DEAF1: variants seen among roughly 807,000 people sequenced by gnomAD.
The protein encoded by DEAF1 is DEAF1 transcription factor, also known as deformed epidermal autoregulatory factor 1 homolog.
Under a neutral mutation model 58.9 loss-of-function variants are expected in DEAF1, and 53 were observed. The ratio of observed to expected loss-of-function variants is 0.90; its 90% confidence interval spans 0.72 to 1.13. The LOEUF is 1.13. DEAF1 is among the 50% of genes most tolerant of loss of function. The pLI is 0.00. For synonymous variants in DEAF1, 385 were observed against 340.4 expected (o/e 1.13, Z -1.44); for missense variants, 685 against 791.4 (o/e 0.87, Z 1.61).
At chr11:677,313 A>G (rs1466191870) in intron 9 of DEAF1, among the ~76,000 whole-genome samples, 1 of 148,878 alleles carries the variant, frequency 6.7e-6, no homozygotes, top group Non-Finnish European at 1.5e-5. Flanking sequence ...ATCCTGGCCA[A>G]CACGGTGAAA....
intron 5 of DEAF1, among the ~76,000 whole-genome samples, chr11:686,410 G>C (rs978201130): frequency 6.6e-6 from 1 of 152,034 alleles, no homozygotes; most frequent in African/African-American, 2.4e-5. Flanking sequence ...AGTCTCTACA[G>C]GAATTGCTTC....
chr11:699,801 C>G (rs918707618), upstream of DEAF1: 1 of 250,578 alleles, frequency 4.0e-6, no homozygotes, highest in African/African-American at 2.2e-5. Flanking sequence ...TAACTCATAA[C>G]TGGGGCCAAA....
chr11:670,931 G>GTTTTTTTTTTTTTTTTT (rs558436376), intron 10 of DEAF1, among the ~76,000 whole-genome samples: 1 of 91,388 alleles, frequency 1.1e-5, no homozygotes. Context: ...CCTGGCTAAT[G>GTTTTTTTTTTTTTTTTT]TTTTTTTTTT....
At chr11:695,503 C>G, upstream of DEAF1, 1 of 918,496 alleles carries the variant, frequency 1.1e-6, no homozygotes. Flanking sequence ...GCAATTCTGC[C>G]TCTCAGAGAG....
rs1182113584 is a variant in DEAF1 at position 652,816 on chromosome 11, C to T, written c.1593+1146G>A. Among the ~76,000 whole-genome samples, 7 of 151,904 alleles carry T rather than the reference C, an allele frequency of 4.6e-5. No individual in the cohort carries two copies. In the East Asian group the frequency reaches 1.4e-3, roughly 29 times the overall value. On this transcript the variant is annotated intron_variant, in intron 11 of 11. Transcript: ENST00000382409. ...TTAGTAAAGCTGCTGGGAACAGTAG[C>T]TCACACCTCTAAATCCCAGCACTTT...
upstream of DEAF1, chr11:700,207 C>T (rs567165348): frequency 9.9e-6 from 16 of 1,614,028 alleles, no homozygotes; most frequent in African/African-American, 2.7e-5. Context: ...TGTATTTCCT[C>T]GCCACGCTCC....
chr11:700,110 G>C (rs761979580), upstream of DEAF1: 3 of 1,594,422 alleles, frequency 1.9e-6, no homozygotes, highest in Non-Finnish European at 2.6e-6. Context: ...TCCCAAGCCT[G>C]TTGAGCTTGA....
At chr11:670,765 C>G (rs28688964) in intron 10 of DEAF1, among the ~76,000 whole-genome samples, 4 of 73,326 alleles carry the variant, frequency 5.5e-5, no homozygotes, top group Non-Finnish European at 8.0e-5. Flanking sequence ...TTTCTTTTTT[C>G]TTTTTGTTTT....
chr11:688,536 C>A lies in DEAF1; in HGVS notation c.388-76G>T. 2 of 1,586,634 alleles carry A rather than the reference C, an allele frequency of 1.3e-6. No homozygotes were observed. Among genetic ancestry groups the A allele is most frequent in the Non-Finnish European group, 1.7e-6 (2 of 1,161,396 alleles). ...GTGTCACTGAGCCCAGCTGGGCCGT[C>A]CTCCAGCAGGGCTCTCTGGCTGTTC... On this transcript the variant is annotated intron_variant, in intron 2 of 11. Coordinates refer to ENST00000382409, the MANE Select transcript of DEAF1 (RefSeq NM_021008.4). The surrounding 1 kb of genome is among the most constrained non-coding windows in gnomAD (Gnocchi z 4.3).
At chr11:683,017 T>G (rs1460244120) in intron 6 of DEAF1, among the ~76,000 whole-genome samples, 5 of 152,150 alleles carry the variant, frequency 3.3e-5, no homozygotes, top group Admixed American at 3.3e-4. Flanking sequence ...TGGTCGTAGC[T>G]CAAACGTCAC....
At chr11:706,575 C>G (rs1861724119) in exon 1 of DEAF1, 1 of 152,492 alleles carries the variant, frequency 6.6e-6, no homozygotes, top group African/African-American at 2.4e-5. Flanking sequence ...GACTCACCTG[C>G]CCCGTCCTGC....
Position 695,030 on chromosome 11 carries a change from C to G in DEAF1, c.18G>C (p.Ser6=). 2.1e-6 allele frequency: 3 copies of G among 1,415,194 alleles called. No homozygotes were observed. The highest frequency in any genetic ancestry group is 1.4e-5 in the South Asian group (1 of 73,902). 87.7% of individuals were successfully genotyped at this position (1,415,194 alleles called of 1,614,324 possible). A position where few individuals can be genotyped will look rare whatever the true frequency, so the allele number is the denominator to read the frequency against. The part of the protein sequence containing the change: MEDSD[S]AAKQLGLAEA... ...CAGCCAGGCCCAGCTGCTTTGCCGC[C>G]GAGTCCGAGTCCTCCATCCGGACTC... The change falls in exon 1 of 12, where the codon TCG becomes TCC. Residue 6 remains serine (S), a synonymous_variant. Coordinates refer to ENST00000382409, the MANE Select transcript of DEAF1 (RefSeq NM_021008.4).
chr11:682,389 C>T (rs1860414277), intron 6 of DEAF1, among the ~76,000 whole-genome samples: 1 of 152,212 alleles, frequency 6.6e-6, no homozygotes, highest in South Asian at 2.1e-4. Context: ...TCTGGTAAAC[C>T]TGCTGACCTA....
chr11:685,043 A>C, intron 5 of DEAF1, 80 bp from the exon 6 acceptor site: 3 of 988,034 alleles, frequency 3.0e-6, no homozygotes, highest in Non-Finnish European at 4.7e-6. Context: ...GATTTCAACC[A>C]CTTTTACCAC....
chr11:699,234 G>GT (rs553699281), upstream of DEAF1: 29 of 360,248 alleles, frequency 8.1e-5, 1 homozygote, highest in South Asian at 4.8e-4. Flanking sequence ...GTTTGTTTAT[G>GT]TTTTTTTAAG....
intron 11 of DEAF1, among the ~76,000 whole-genome samples, chr11:652,788 A>T (rs1486177274): frequency 2.0e-5 from 3 of 152,142 alleles, no homozygotes; most frequent in Admixed American, 2.0e-4. Flanking sequence ...ACCATCAAAA[A>T]GATTAGTAAA....
In DEAF1 at chr11:695,178, G is replaced by A. The variant is rs1253190184; in HGVS notation, c.-131C>T. On this transcript the variant is annotated 5_prime_UTR_variant, in exon 1 of 12. Transcript: ENST00000382409. ...CCGCCCGAAGCCGCCGCCCGAATAG[G>A]GACCGAAAAGGCAGCCAGCCGCCGA... 2.9e-5 allele frequency: 24 copies of A among 824,474 alleles called. No individual in the cohort carries two copies. Among genetic ancestry groups the A allele is most frequent in the East Asian group, 4.0e-5 (1 of 25,076 alleles). The allele number at this position is 824,474 out of a possible 1,614,324, so 51.1% of individuals were successfully genotyped here.
At chr11:689,292 G>A (rs1384665222) in intron 2 of DEAF1, among the ~76,000 whole-genome samples, 1 of 135,966 alleles carries the variant, frequency 7.4e-6, no homozygotes, top group Non-Finnish European at 1.5e-5. Context: ...TGCAAGCTCC[G>A]CCTCCCGGGT....
chr11:701,941 G>C (rs1214276966), intron 1 of DEAF1, among the ~76,000 whole-genome samples: 1 of 152,202 alleles, frequency 6.6e-6, no homozygotes, highest in African/African-American at 2.4e-5. Context: ...CCAGCCCTCT[G>C]CGTGCTCATG....
Sources: allele counts gnomAD v4.1 joint callset (sites outside exome capture counted in the v4.1 genomes callset), GRCh38; gene constraint gnomAD v4.1.1; non-coding constraint Gnocchi (gnomAD v3.1); transcripts MANE v1.5; gene names NCBI Gene and HGNC (gene_info 2026-07-23, HGNC 2026-07-21).